Variants in C6orf89 observed in about 807,000 individuals in gnomAD.
The protein encoded by C6orf89 is bombesin receptor-activated protein C6orf89.
In C6orf89, 29 loss-of-function variants were observed where a neutral mutation model predicts 40.7. The ratio of observed to expected loss-of-function variants is 0.71; its 90% CI spans 0.53 to 0.97. The LOEUF is 0.97. Among genes scored for constraint, C6orf89 ranks in the 50% least tolerant of loss-of-function variants. The pLI is 0.00. For synonymous variants in C6orf89, 165 were observed against 152.2 expected (o/e 1.08, Z -0.62); for missense variants, 392 against 429.1 (o/e 0.91, Z 0.76).
chr6:36,923,205 A>G, intron 8 of C6orf89, 142 bp from the exon 9 acceptor site: 1 of 607,986 alleles, frequency 1.6e-6, no homozygotes, highest in South Asian at 2.1e-5. Context: ...AAAAAAGGAA[A>G]CTAAATTAAA....
chr6:36,905,275 A>G (rs72846818), intron 4 of C6orf89, among the ~76,000 whole-genome samples: 60 of 152,260 alleles, frequency 3.9e-4, no homozygotes, highest in Non-Finnish European at 7.8e-4. Context: ...CGGAGCCATG[A>G]TTTGAACCCA....
In C6orf89 at chr6:36,887,966, C is replaced by G. The variant is rs139191715; in HGVS notation, c.-120+1938C>G. Among the ~76,000 whole-genome samples the G allele has an allele frequency of 6.8e-4, 103 of 152,206 alleles. 3 individuals carry two copies. The East Asian group carries it at 0.018, about 26-fold the overall frequency. On this transcript the variant is annotated intron_variant, in intron 1 of 8. Transcript: ENST00000480824. ...CTTGGAAGTCCTGGGCTCAAGCAGTCCTCCCACCTCAGCCTCCCAGTGTTG... is the reference window on the plus strand; with the variant it reads ...CTTGGAAGTCCTGGGCTCAAGCAGTGCTCCCACCTCAGCCTCCCAGTGTTG...
rs1041933234 is a variant in C6orf89, at chr6:36,880,668, G to A, written c.-503+1536G>A. Among the ~76,000 whole-genome samples the A allele has an allele frequency of 1.2e-4, 19 of 152,168 alleles. 1 individual carries two copies. Among genetic ancestry groups the A allele is most frequent in the Admixed American group, 2.6e-4 (4 of 15,278 alleles). ...ATGCTTCAAGGTCATAAACTGCTTT[G>A]ACTTTTGAAAATTGTTCAATTTATT... On this transcript the variant is annotated intron_variant, in intron 2 of 9. Coordinates refer to the C6orf89 transcript ENST00000359359.
chr6:36,873,885 G>A (rs1338215285), intron 1 of C6orf89, among the ~76,000 whole-genome samples: 2 of 152,178 alleles, frequency 1.3e-5, no homozygotes, highest in African/African-American at 4.8e-5. Context: ...GGATTAATAC[G>A]TTTTTACTTT....
rs1583209327 is a variant in C6orf89 at position 36,923,592 on chromosome 6, A to G, written c.*151A>G. 1 of 702,690 alleles carries G rather than the reference A, an allele frequency of 1.4e-6. No homozygotes were observed. The highest frequency in any genetic ancestry group is 2.6e-6 in the Non-Finnish European group (1 of 379,958). 43.5% of individuals were successfully genotyped at this position (702,690 alleles called of 1,614,324 possible). The stretch of plus-strand genomic sequence containing the variant: ...CATGTGTGAACCAGCTGTGAGCTGC[A>G]AGGCAGTGGCCAGAGCCTCGCCCTC... On this transcript the variant is annotated 3_prime_UTR_variant, in exon 9 of 9. Transcript: ENST00000480824.
At chr6:36,891,203 CT>C (rs1220463819) in intron 1 of C6orf89, among the ~76,000 whole-genome samples, 3 of 152,074 alleles carry the variant, frequency 2.0e-5, no homozygotes, top group Non-Finnish European at 2.9e-5. Flanking sequence ...TCCAAGTGTT[CT>C]CATTATTCAA....
In C6orf89 at chr6:36,902,425, C is replaced by T. The variant is rs766964363; in HGVS notation, c.394C>T (p.Pro132Ser). 6 of 1,613,954 alleles carry T rather than the reference C, an allele frequency of 3.7e-6. No individual in the cohort carries two copies. Among genetic ancestry groups the T allele is most frequent in the East Asian group, 2.2e-5 (1 of 44,880 alleles). Residue 132 changes from proline to serine, a missense_variant, in exon 4 of 9, where the codon CCC becomes TCC. Pro to Ser is a moderately conservative substitution (Grantham distance 74, BLOSUM62 -1). Transcript: ENST00000480824. ...VPLHGGDEDRPFPDFDPWWTN... is the reference protein window; with the variant it reads ...VPLHGGDEDRSFPDFDPWWTN... Reference sequence around the variant, plus strand: ...TCTGCATGGGGGTGATGAAGACAGACCCTTTCCAGGTAAAATGCAACATTT... The same window carrying T: ...TCTGCATGGGGGTGATGAAGACAGATCCTTTCCAGGTAAAATGCAACATTT...
chr6:36,881,034 G>C (rs9462236), upstream of C6orf89, among the ~76,000 whole-genome samples: 583 of 152,162 alleles, frequency 3.8e-3, 1 homozygote, highest in Middle Eastern at 6.8e-3. Flanking sequence ...TTTATAGCTA[G>C]GTAAGGCCTG....
At chr6:36,895,969 A>G (rs115797585) in intron 2 of C6orf89, among the ~76,000 whole-genome samples, 73 of 152,302 alleles carry the variant, frequency 4.8e-4, no homozygotes, top group African/African-American at 1.7e-3. Flanking sequence ...CAATTCCTCC[A>G]TGTCCTTACC....
chr6:36,898,566 A>G (rs553615374), intron 2 of C6orf89, among the ~76,000 whole-genome samples: 53 of 152,072 alleles, frequency 3.5e-4, no homozygotes, highest in African/African-American at 1.2e-3. Context: ...GGCACGAGCT[A>G]TTGCGTCCAG....
At chr6:36,900,308 T>A (rs1460431980) in intron 3 of C6orf89, among the ~76,000 whole-genome samples, 3 of 149,594 alleles carry the variant, frequency 2.0e-5, no homozygotes, top group Non-Finnish European at 4.4e-5. Flanking sequence ...TTCAAACGAT[T>A]CTCCTGCCTC....
intron 1 of C6orf89, among the ~76,000 whole-genome samples, chr6:36,893,193 C>G (rs1302106632): frequency 6.6e-6 from 1 of 152,086 alleles, no homozygotes; most frequent in Non-Finnish European, 1.5e-5. Context: ...CTCGGCCTCC[C>G]AAAGTGCTGG....
chr6:36,897,916 T>C (rs997149401), intron 2 of C6orf89, among the ~76,000 whole-genome samples: 18 of 152,086 alleles, frequency 1.2e-4, no homozygotes, highest in Non-Finnish European at 1.0e-4. Context: ...GAATGAAGTA[T>C]GCAAAATAAA....
intron 1 of C6orf89, among the ~76,000 whole-genome samples, chr6:36,876,268 T>C (rs1463703533): frequency 1.3e-5 from 2 of 152,162 alleles, no homozygotes. Context: ...CATGATCACT[T>C]TCTTCCTAAA....
At chr6:36,916,702 C>G (rs1184260859) in intron 7 of C6orf89, 128 bp downstream of exon 7, 6 of 1,091,840 alleles carry the variant, frequency 5.5e-6, no homozygotes, top group Non-Finnish European at 7.9e-6. Context: ...GACACCCACA[C>G]AGTCTAGTTC....
At chr6:36,881,965 A>T (rs1583136838), upstream of C6orf89, among the ~76,000 whole-genome samples, 1 of 152,214 alleles carries the variant, frequency 6.6e-6, no homozygotes, top group Non-Finnish European at 1.5e-5. Context: ...ACTAATGGAA[A>T]CATAAAATTT....
At chr6:36,879,704 C>T (rs893543290) in intron 2 of C6orf89, among the ~76,000 whole-genome samples, 2 of 152,040 alleles carry the variant, frequency 1.3e-5, no homozygotes, top group African/African-American at 4.8e-5. Flanking sequence ...CACAAGCTCG[C>T]TGGTCAATAA....
chr6:36,886,235 T>A (rs1774982813), intron 1 of C6orf89, among the ~76,000 whole-genome samples: 1 of 152,210 alleles, frequency 6.6e-6, no homozygotes, highest in Non-Finnish European at 1.5e-5. Context: ...TTAAGACATC[T>A]GTCACTTTCT....
At chr6:36,913,749 G>T (rs569018943) in intron 4 of C6orf89, among the ~76,000 whole-genome samples, 1 of 152,036 alleles carries the variant, frequency 6.6e-6, no homozygotes, top group African/African-American at 2.4e-5. Flanking sequence ...GTGTAAAAAG[G>T]TATACAGAGA....
Sources: gnomAD v4.1 joint callset for allele counts (sites outside exome capture counted in the v4.1 genomes callset) on GRCh38, gnomAD v4.1.1 for gene constraint, MANE v1.5 for transcripts, NCBI Gene and HGNC (gene_info 2026-07-23, HGNC 2026-07-21) for gene names.